The following MRFAP1 variants were observed in gnomAD, a reference collection of about 807,000 sequenced individuals.
MRFAP1 encodes Morf4 family associated protein 1.
In MRFAP1, 1 loss-of-function variant was observed where a neutral mutation model predicts 9.3. The observed-to-expected ratio is 0.11, with a 90% confidence interval of 0.04 to 0.51. The LOEUF is 0.51. Ranked by LOEUF, MRFAP1 falls within the 20% of genes least tolerant of loss-of-function variation. The probability of loss-of-function intolerance (pLI) is 0.94; values close to 1 mark genes in which losing one functional copy is unlikely to be tolerated. For synonymous variants in MRFAP1, 101 were observed against 80.3 expected (o/e 1.26, Z -1.38); for missense variants, 180 against 178.6 (o/e 1.01, Z -0.04).
Position 6,641,046 on chromosome 4 carries a change from A to G in MRFAP1, c.184A>G (p.Asn62Asp). Reference sequence around the variant, plus strand: ...CCGGAGCAAGCTGTGGGAGATGGACAATATGCTCATCCAGATCAAAACGCA... The same window carrying G: ...CCGGAGCAAGCTGTGGGAGATGGACGATATGCTCATCCAGATCAAAACGCA... ...RNRSKLWEMD[N>D]MLIQIKTQVE... is the part of the protein sequence containing the mutation. Residue 62 changes from asparagine to aspartate, a missense_variant, in exon 1 of 2, where the codon AAT becomes GAT. Asn to Asp is a conservative substitution (Grantham distance 23). Transcript: ENST00000382581. 1 of 1,614,186 alleles carries G rather than the reference A, an allele frequency of 6.2e-7. No homozygotes were observed.
Position 6,641,124 on chromosome 4 carries a change from G to A in MRFAP1, c.262G>A (p.Ala88Thr). Residue 88 changes from alanine (A) to threonine (T), a missense_variant, in exon 1 of 2, where the codon GCG becomes ACG. Physicochemically the swap from Ala to Thr is moderately conservative, Grantham distance 58. Coordinates refer to ENST00000382581, the MANE Select transcript of MRFAP1 (RefSeq NM_033296.3). Reference sequence around the variant, plus strand: ...CAACCACCTCCAGAACCCGGGCGACGCGGCCGAGGGCCGGGCGGCCAAGAG... The same window carrying A: ...CAACCACCTCCAGAACCCGGGCGACACGGCCGAGGGCCGGGCGGCCAAGAG... ...ALNHLQNPGD[A>T]AEGRAAKRCE... is the part of the protein sequence containing the mutation. The A allele has an allele frequency of 4.3e-6, 7 of 1,614,200 alleles. No homozygotes were observed. Among genetic ancestry groups the A allele is most frequent in the Non-Finnish European group, 5.1e-6 (6 of 1,180,032 alleles).
Position 6,641,041 on chromosome 4 carries a change from T to C in MRFAP1, c.179T>C (p.Met60Thr), listed in dbSNP as rs1712799537. Reference sequence around the variant, plus strand: ...CGGAACCGGAGCAAGCTGTGGGAGATGGACAATATGCTCATCCAGATCAAA... The same window carrying C: ...CGGAACCGGAGCAAGCTGTGGGAGACGGACAATATGCTCATCCAGATCAAA... Reference protein sequence around the residue: ...YLRNRSKLWEMDNMLIQIKTQ... With the variant: ...YLRNRSKLWETDNMLIQIKTQ... The change falls in exon 1 of 2, where the codon ATG becomes ACG. Residue 60 changes from methionine to threonine, a missense_variant. Physicochemically the swap from Met to Thr is moderately conservative, Grantham distance 81. Transcript: ENST00000382581. The C allele has an allele frequency of 6.2e-7, 1 of 1,614,032 alleles. No homozygotes were observed. The highest frequency in any genetic ancestry group is 1.3e-5 in the African/African-American group (1 of 74,926).
At chr4:6,641,386 G>A in intron 1 of MRFAP1, 128 bp downstream of exon 1, 1 of 1,164,120 alleles carries the variant, frequency 8.6e-7, no homozygotes, top group South Asian at 1.6e-5. Flanking sequence ...TCGGGTCAGG[G>A]CCGATCTGGG....
rs758599781 is a variant in MRFAP1, at chr4:6,641,051, G to A, written c.189G>A (p.Met63Ile). ...GCAAGCTGTGGGAGATGGACAATAT[G>A]CTCATCCAGATCAAAACGCAGGTGG... ...NRSKLWEMDNMLIQIKTQVEA... is the reference protein window; with the variant it reads ...NRSKLWEMDNILIQIKTQVEA... The change falls in exon 1 of 2, where the codon ATG becomes ATA. Residue 63 changes from methionine to isoleucine, a missense_variant. Transcript: ENST00000382581. The A allele has an allele frequency of 6.2e-7, 1 of 1,614,084 alleles. No homozygotes were observed. Among genetic ancestry groups the A allele is most frequent in the Admixed American group, 1.7e-5 (1 of 60,016 alleles).
intron 1 of MRFAP1, 25 bp downstream of exon 1, chr4:6,641,283 C>G (rs773276797): frequency 2.5e-5 from 39 of 1,530,862 alleles, no homozygotes; most frequent in Non-Finnish European, 3.1e-5. Flanking sequence ...CGCGCCAGGC[C>G]GAGGAGCGGC....
Position 6,640,952 on chromosome 4 carries a change from G to A in MRFAP1, c.90G>A (p.Pro30=), listed in dbSNP as rs1324535024. The A allele has an allele frequency of 5.0e-6, 8 of 1,614,130 alleles. No homozygotes were observed. The South Asian group carries it at 5.5e-5, about 11-fold the overall frequency. The part of the protein sequence containing the change: ...PEEDFEQFLL[P]VINEMREDIA... The stretch of plus-strand genomic sequence containing the variant: ...AGGATTTCGAGCAGTTTCTGCTCCC[G>A]GTCATCAACGAGATGCGCGAGGACA... Residue 30 remains proline (P), a synonymous_variant, in exon 1 of 2, where the codon CCG becomes CCA. Coordinates refer to ENST00000382581, the MANE Select transcript of MRFAP1 (RefSeq NM_033296.3).
chr4:6,640,693 C>T lies in MRFAP1; in HGVS notation c.-170C>T, dbSNP rs949846242. 3.3e-5 allele frequency: 27 copies of T among 812,586 alleles called. No homozygotes were observed. Among genetic ancestry groups the T allele is most frequent in the African/African-American group, 1.0e-4 (6 of 58,292 alleles). 50.3% of individuals were successfully genotyped at this position (812,586 alleles called of 1,614,324 possible). A position where few individuals can be genotyped will look rare whatever the true frequency, so the allele number is the denominator to read the frequency against. On this transcript the variant is annotated 5_prime_UTR_variant, in exon 1 of 2. Coordinates refer to ENST00000382581, the MANE Select transcript of MRFAP1 (RefSeq NM_033296.3). ...TTGACGGCCGGGACTCCATTTTGTT[C>T]GCCGTTACTCTGCGCGTAAGTCGCT...
chr4:6,641,305 C>A (rs1712815360), intron 1 of MRFAP1, 47 bp downstream of exon 1: 4 of 1,520,624 alleles, frequency 2.6e-6, no homozygotes, highest in Non-Finnish European at 3.5e-6. Flanking sequence ...CCAGCTTGGC[C>A]GCTCTTCGAG....
rs1036300699 is a variant in MRFAP1, at chr4:6,641,052, C to G, written c.190C>G (p.Leu64Val). ...CAAGCTGTGGGAGATGGACAATATG[C>G]TCATCCAGATCAAAACGCAGGTGGA... ...RSKLWEMDNM[L>V]IQIKTQVEAS... is the part of the protein sequence containing the mutation. The change falls in exon 1 of 2, where the codon CTC (leucine) becomes GTC (valine). Residue 64 changes from leucine (L) to valine (V), a missense_variant. By Grantham distance (32) the Leu-to-Val change is conservative. Transcript: ENST00000382581. The G allele has an allele frequency of 3.7e-6, 6 of 1,614,094 alleles. No individual in the cohort carries two copies.
At chr4:6,641,590 T>C in intron 1 of MRFAP1, 140 bp from the exon 2 acceptor site, 1 of 252,874 alleles carries the variant, frequency 4.0e-6, no homozygotes, top group Non-Finnish European at 7.7e-6. Flanking sequence ...GTTGGACAAG[T>C]CAACGTTGCT....
chr4:6,642,374 C>T lies in MRFAP1; in HGVS notation c.*657C>T, dbSNP rs982162447. On this transcript the variant is annotated 3_prime_UTR_variant, in exon 2 of 2. Transcript: ENST00000382581. ...GTTGTGGTACACTATCTTATGTAAC[C>T]TGTCTGGTGAGTTTGTTTGGACAAC... The T allele has an allele frequency of 3.9e-5, 6 of 152,658 alleles. No individual in the cohort carries two copies. The highest frequency in any genetic ancestry group is 1.4e-4 in the African/African-American group (6 of 41,454). The allele number at this position is 152,658 out of a possible 1,614,324, so 9.5% of individuals were successfully genotyped here.
Position 6,640,731 on chromosome 4 carries a change from C to G in MRFAP1, c.-132C>G. The G allele has an allele frequency of 2.4e-6, 3 of 1,239,140 alleles. No individual in the cohort carries two copies. The highest frequency in any genetic ancestry group is 3.4e-6 in the Non-Finnish European group (3 of 893,242). 76.8% of individuals were successfully genotyped at this position (1,239,140 alleles called of 1,614,324 possible). Reference sequence around the variant, plus strand: ...CGCGTAAGTCGCTTGTCCGTGGCTTCTCTGAGAAGAAAAGTTGAAAAAGGG... The same window carrying G: ...CGCGTAAGTCGCTTGTCCGTGGCTTGTCTGAGAAGAAAAGTTGAAAAAGGG... On this transcript the variant is annotated 5_prime_UTR_variant, in exon 1 of 2. Coordinates refer to ENST00000382581, the MANE Select transcript of MRFAP1 (RefSeq NM_033296.3).
Position 6,641,133 on chromosome 4 carries a change from G to A in MRFAP1, c.271G>A (p.Gly91Ser). Residue 91 changes from glycine to serine, a missense_variant, in exon 1 of 2, where the codon GGC (glycine) becomes AGC (serine). Physicochemically the swap from Gly to Ser is moderately conservative, Grantham distance 56. Transcript: ENST00000382581. ...HLQNPGDAAE[G>S]RAAKRCEKAE... ...CCAGAACCCGGGCGACGCGGCCGAG[G>A]GCCGGGCGGCCAAGAGGTGCGAGAA... 1.2e-6 allele frequency: 2 copies of A among 1,614,198 alleles called. No homozygotes were observed. Among genetic ancestry groups the A allele is most frequent in the Non-Finnish European group, 8.5e-7 (1 of 1,180,026 alleles).
chr4:6,641,588 A>G (rs565248838), intron 1 of MRFAP1, 142 bp from the exon 2 acceptor site: 63 of 259,428 alleles, frequency 2.4e-4, no homozygotes, highest in Non-Finnish European at 4.2e-4. Context: ...ACGTTGGACA[A>G]GTCAACGTTG....
Position 6,642,542 on chromosome 4 carries a change from A to T in MRFAP1, c.*825A>T, listed in dbSNP as rs1712880111. On this transcript the variant is annotated 3_prime_UTR_variant, in exon 2 of 2. Transcript: ENST00000382581. Reference sequence around the variant, plus strand: ...GCAAAGGCCCTTGAGGGGCTTGGGGATGACAGTATGGAACTGTCTGCATTG... The same window carrying T: ...GCAAAGGCCCTTGAGGGGCTTGGGGTTGACAGTATGGAACTGTCTGCATTG... 6.5e-6 allele frequency: 1 copy of T among 152,794 alleles called. No homozygotes were observed. Among genetic ancestry groups the T allele is most frequent in the Admixed American group, 6.5e-5 (1 of 15,300 alleles). The allele number at this position is 152,794 out of a possible 1,614,324, so 9.5% of individuals were successfully genotyped here. A position where few individuals can be genotyped will look rare whatever the true frequency, so the allele number is the denominator to read the frequency against.
Position 6,640,848 on chromosome 4 carries a change from A to C in MRFAP1, c.-15A>C. 1.3e-6 allele frequency: 2 copies of C among 1,594,542 alleles called. No homozygotes were observed. The highest frequency in any genetic ancestry group is 1.7e-6 in the Non-Finnish European group (2 of 1,167,426). On this transcript the variant is annotated 5_prime_UTR_variant, in exon 1 of 2. Coordinates refer to ENST00000382581, the MANE Select transcript of MRFAP1 (RefSeq NM_033296.3). The stretch of plus-strand genomic sequence containing the variant: ...AACAGACATCGCTATTGCGGTTCCG[A>C]GGCAGTGGGAAGAGATGCGGCCCCT...
Position 6,640,965 on chromosome 4 carries a change from A to G in MRFAP1, c.103A>G (p.Met35Val), listed in dbSNP as rs1712794016. 1 of 1,614,004 alleles carries G rather than the reference A, an allele frequency of 6.2e-7. No individual in the cohort carries two copies. Among genetic ancestry groups the G allele is most frequent in the Non-Finnish European group, 8.5e-7 (1 of 1,180,000 alleles). The change falls in exon 1 of 2, where the codon ATG (methionine) becomes GTG (valine). Residue 35 changes from methionine to valine, a missense_variant. By Grantham distance (21) the Met-to-Val change is conservative. Coordinates refer to ENST00000382581, the MANE Select transcript of MRFAP1 (RefSeq NM_033296.3). ...GTTTCTGCTCCCGGTCATCAACGAG[A>G]TGCGCGAGGACATCGCGTCGCTGAC... is the stretch of plus-strand genomic sequence containing the variant. ...EQFLLPVINE[M>V]REDIASLTRE...
chr4:6,642,044 A>AT lies in MRFAP1; in HGVS notation c.*330dup, dbSNP rs1415156928. ...TTCTAAATTTTTGAGGTGCTTTGCT[A>AT]TTTCTTGTGTGACCTGATAGCTCCC... On this transcript the variant is annotated 3_prime_UTR_variant, in exon 2 of 2. Coordinates refer to ENST00000382581, the MANE Select transcript of MRFAP1 (RefSeq NM_033296.3). 6.6e-6 allele frequency: 1 copy of AT among 152,484 alleles called. No homozygotes were observed. The highest frequency in any genetic ancestry group is 1.5e-5 in the Non-Finnish European group (1 of 68,038). The allele number at this position is 152,484 out of a possible 1,614,324, so 9.4% of individuals were successfully genotyped here.
At position 6,641,256 on chromosome 4, in the gene MRFAP1, G is replaced by A; in HGVS notation, c.*10G>A. 6.4e-7 allele frequency: 1 copy of A among 1,555,752 alleles called. No individual in the cohort carries two copies. ...GAGCGAGTCGTCGTGAGCGCGGTCG[G>A]CGGTAAGTCGGGCACCCGCGCCAGG... On this transcript the variant is annotated splice_region_variant and 3_prime_UTR_variant, in exon 1 of 2. Transcript: ENST00000382581.
Sources: gnomAD v4.1 joint callset for allele counts on GRCh38, gnomAD v4.1.1 for gene constraint, MANE v1.5 for transcripts, NCBI Gene and HGNC (gene_info 2026-07-23, HGNC 2026-07-21) for gene names.